KIAA1217: variants seen among roughly 807,000 people sequenced by gnomAD.
KIAA1217 encodes KIAA1217.
A neutral mutation model predicts 163.9 loss-of-function variants in KIAA1217; 88 were observed. The observed-to-expected ratio is 0.54, with a 90% CI of 0.45 to 0.64. KIAA1217 has a LOEUF of 0.64. Among genes scored for constraint, KIAA1217 ranks in the 30% least tolerant of loss-of-function variants. The probability of loss-of-function intolerance (pLI) is 0.00; values close to 1 mark genes in which losing one functional copy is unlikely to be tolerated. For synonymous variants in KIAA1217, 903 were observed against 923.1 expected (o/e 0.98, Z 0.39); for missense variants, 2,372 against 2,475.0 (o/e 0.96, Z 0.88).
At chr10:24,304,115 T>C (rs139685658) in intron 2 of KIAA1217, among the ~76,000 whole-genome samples, 2 of 145,090 alleles carry the variant, frequency 1.4e-5, no homozygotes, top group African/African-American at 5.2e-5. Context: ...ACTACAGCTG[T>C]GTGAATCCTC....
chr10:24,390,086 G>A (rs891834825), intron 3 of KIAA1217, among the ~76,000 whole-genome samples: 13 of 152,160 alleles, frequency 8.5e-5, no homozygotes, highest in African/African-American at 3.1e-4. Flanking sequence ...CAGTGATTCT[G>A]CAAGCCATTT....
At position 24,520,182 on chromosome 10, in the gene KIAA1217, T is replaced by C. The variant is rs1242157528; in HGVS notation, c.2237T>C (p.Val746Ala). ...GACTCCACGGCAGCCAGCCGATTGG[T>C]TACTCTGAAAGACGTGGAAGACGGG... ...KKDSTAASRL[V>A]TLKDVEDGAF... The change falls in exon 11 of 21, where the codon GTT becomes GCT. Residue 746 changes from valine to alanine, a missense_variant. This residue lies in a region of KIAA1217 where 1,431 missense variants were observed against 1,470.3 expected (regional missense o/e 0.97). Coordinates refer to ENST00000376454, the MANE Select transcript of KIAA1217 (RefSeq NM_019590.5). 1 of 1,613,996 alleles carries C rather than the reference T, an allele frequency of 6.2e-7. No homozygotes were observed. Among genetic ancestry groups the C allele is most frequent in the East Asian group, 2.2e-5 (1 of 44,870 alleles).
At chr10:24,009,876 T>C (rs1178061874) in intron 2 of KIAA1217, among the ~76,000 whole-genome samples, 1 of 152,154 alleles carries the variant, frequency 6.6e-6, no homozygotes, top group Non-Finnish European at 1.5e-5. Flanking sequence ...ACTTACTCTG[T>C]GATTAAGACT....
At chr10:24,029,058 C>T (rs893900024) in intron 2 of KIAA1217, among the ~76,000 whole-genome samples, 5 of 152,040 alleles carry the variant, frequency 3.3e-5, no homozygotes, top group Admixed American at 3.3e-4. Context: ...AACATTAGAA[C>T]ATAATGAAAA....
intron 2 of KIAA1217, among the ~76,000 whole-genome samples, chr10:24,366,734 A>T (rs1422752648): frequency 6.6e-6 from 1 of 152,164 alleles, no homozygotes; most frequent in East Asian, 1.9e-4. Context: ...GACAATCAAG[A>T]TGGCAGCCTC....
At chr10:24,412,623 C>T (rs2057891796) in intron 3 of KIAA1217, among the ~76,000 whole-genome samples, 1 of 152,194 alleles carries the variant, frequency 6.6e-6, no homozygotes, top group African/African-American at 2.4e-5. Context: ...ATCTCACAAG[C>T]TTCCTTATGA....
chr10:24,409,028 A>G (rs999274936), intron 3 of KIAA1217, among the ~76,000 whole-genome samples: 1 of 152,230 alleles, frequency 6.6e-6, no homozygotes, highest in Non-Finnish European at 1.5e-5. Flanking sequence ...GCATTAGTTA[A>G]TGAACTGGCG....
At chr10:23,782,020 T>C (rs1055603917) in intron 1 of KIAA1217, among the ~76,000 whole-genome samples, 2 of 152,198 alleles carry the variant, frequency 1.3e-5, no homozygotes, top group Non-Finnish European at 2.9e-5. Flanking sequence ...AACTTTGTTT[T>C]CGTTTTTCAA....
intron 17 of KIAA1217, among the ~76,000 whole-genome samples, chr10:24,538,586 AAGGAAGGAAGGAAGGAAGGAAAAAGAG>A (rs1219455443): frequency 9.9e-4 from 113 of 114,180 alleles, no homozygotes; most frequent in Admixed American, 2.0e-3. Context: ...GGAAGGAAGG[AAGGAAGGAAGGAAGGAAGGAAAAAGAG>A]AGGAAGGAAA....
chr10:24,119,937 A>G (rs2131774215), intron 2 of KIAA1217, among the ~76,000 whole-genome samples: 1 of 152,344 alleles, frequency 6.6e-6, no homozygotes, highest in African/African-American at 2.4e-5. Context: ...ACGGACCAGC[A>G]TGTCTGCAGG....
Position 24,022,843 on chromosome 10 carries a change from A to C in KIAA1217, c.-171+15469A>C, listed in dbSNP as rs11819060. Among the ~76,000 whole-genome samples, 1,063 of 151,824 alleles carry C rather than the reference A, an allele frequency of 7.0e-3. 6 individuals are homozygous for C. The highest frequency in any genetic ancestry group is 0.02 in the Middle Eastern group (6 of 294). ...TTATGACTATCCCAAAAGATTCAAAAATAAAAGTATATGATAAAAGTCAAC... is the reference window on the plus strand; with the variant it reads ...TTATGACTATCCCAAAAGATTCAAACATAAAAGTATATGATAAAAGTCAAC... On this transcript the variant is annotated intron_variant, in intron 2 of 18. Coordinates refer to the KIAA1217 transcript ENST00000376462.
chr10:24,486,752 C>T (rs2065452458), intron 6 of KIAA1217, among the ~76,000 whole-genome samples: 1 of 152,182 alleles, frequency 6.6e-6, no homozygotes, highest in Non-Finnish European at 1.5e-5. Context: ...GCTCACCCTG[C>T]GTAAAATTTC....
intron 2 of KIAA1217, among the ~76,000 whole-genome samples, chr10:24,251,576 C>A (rs1047802702): frequency 1.3e-5 from 2 of 152,006 alleles, no homozygotes; most frequent in Non-Finnish European, 2.9e-5. Context: ...GTTCCGATTC[C>A]TTTGTTACAA....
At position 24,543,537 on chromosome 10, in the gene KIAA1217, A is replaced by G. The variant is rs1246177359; in HGVS notation, c.4267A>G (p.Thr1423Ala). 3 of 1,613,524 alleles carry G rather than the reference A, an allele frequency of 1.9e-6. No homozygotes were observed. The highest frequency in any genetic ancestry group is 4.5e-5 in the East Asian group (2 of 44,880). The change falls in exon 19 of 21, where the codon ACC (threonine) becomes GCC (alanine). Residue 1423 changes from threonine (T) to alanine (A), a missense_variant. Physicochemically the swap from Thr to Ala is moderately conservative, Grantham distance 58. This residue lies in a region of KIAA1217 where 690 missense variants were observed against 677.5 expected (regional missense o/e 1.02). Coordinates refer to ENST00000376454, the MANE Select transcript of KIAA1217 (RefSeq NM_019590.5). ...TVNIDARKEMTPRQEGTDNED... is the reference protein window; with the variant it reads ...TVNIDARKEMAPRQEGTDNED... ...TAATATCGATGCCAGAAAAGAGATG[A>G]CCCCCCGACAAGAAGGGACTGACAA...
chr10:24,293,921 C>T (rs147997472), intron 2 of KIAA1217, among the ~76,000 whole-genome samples: 2,585 of 152,184 alleles, frequency 0.017, 67 homozygotes, highest in African/African-American at 0.058. Context: ...TGGCCGGGTG[C>T]GGTGGCTCAC....
intron 1 of KIAA1217, among the ~76,000 whole-genome samples, chr10:23,821,177 TGCAA>T (rs969832972): frequency 1.3e-5 from 2 of 151,706 alleles, no homozygotes; most frequent in Admixed American, 1.3e-4. Context: ...GTGTATTTAT[TGCAA>T]GCAATGTGTT....
intron 6 of KIAA1217, among the ~76,000 whole-genome samples, chr10:24,477,138 G>A (rs2064135463): frequency 6.6e-6 from 1 of 152,156 alleles, no homozygotes; most frequent in African/African-American, 2.4e-5. Context: ...CTCAGAATCT[G>A]GCCCTGAACT....
At chr10:24,223,898 C>T (rs1236762808) in intron 2 of KIAA1217, among the ~76,000 whole-genome samples, 1 of 149,396 alleles carries the variant, frequency 6.7e-6, no homozygotes, top group Non-Finnish European at 1.5e-5. Flanking sequence ...TCATACCCGA[C>T]TGAAAATCTA....
Position 24,546,539 on chromosome 10 carries a change from C to T in KIAA1217, c.*215C>T. 1.9e-6 allele frequency: 1 copy of T among 514,878 alleles called. No homozygotes were observed. Among genetic ancestry groups the T allele is most frequent in the Non-Finnish European group, 3.3e-6 (1 of 299,028 alleles). The allele number at this position is 514,878 out of a possible 1,614,324, so 31.9% of individuals were successfully genotyped here. A position where few individuals can be genotyped will look rare whatever the true frequency, so the allele number is the denominator to read the frequency against. ...GTTGCTATAGTGTCTACAGTCTATA[C>T]TCAATACCTATAAAATGCAGTAAGC... On this transcript the variant is annotated 3_prime_UTR_variant, in exon 21 of 21. Coordinates refer to ENST00000376454, the MANE Select transcript of KIAA1217 (RefSeq NM_019590.5).
Sources: gnomAD v4.1 joint callset for allele counts (sites outside exome capture counted in the v4.1 genomes callset) on GRCh38, gnomAD v4.1.1 for gene constraint, gnomAD v4.1.1 regional missense constraint, MANE v1.5 for transcripts, NCBI Gene and HGNC (gene_info 2026-07-23, HGNC 2026-07-21) for gene names.